The following NBAS variants were observed in gnomAD, a reference collection of about 807,000 sequenced individuals.
NBAS encodes the protein NBAS subunit of NRZ tethering complex, also known as NAG/BC035112 fusion.
Under a neutral mutation model 302.5 loss-of-function variants are expected in NBAS, and 219 were observed. That is an observed-to-expected ratio of 0.72 (90% CI 0.65 to 0.81). NBAS has a LOEUF of 0.81. NBAS is among the 30% of genes least tolerant of loss of function. The probability of loss-of-function intolerance (pLI) is 0.00; values close to 1 mark genes in which losing one functional copy is unlikely to be tolerated. For missense variants in NBAS, 2,932 were observed against 2,841.6 expected (o/e 1.03, Z -0.72); for synonymous variants, 1,118 against 1,021.6 (o/e 1.09, Z -1.80).
intron 25 of NBAS, among the ~76,000 whole-genome samples, chr2:15,405,018 T>C (rs1175589819): frequency 2.0e-5 from 3 of 152,230 alleles, no homozygotes; most frequent in African/African-American, 7.2e-5. Context: ...ATTAAATTAC[T>C]TGCATTTACC....
intron 44 of NBAS, among the ~76,000 whole-genome samples, chr2:15,264,784 A>G (rs6706182): frequency 0.2 from 29,727 of 152,162 alleles, 3,943 homozygotes; most frequent in East Asian, 0.6. Context: ...CAGTCATGTT[A>G]CAACATCTCT....
chr2:15,352,031 A>G lies in NBAS; in HGVS notation c.4140T>C (p.Asn1380=). ...NFQIHHEGGE[N]ISASPLTSKA... ...TACTAGTTAATGGTGAAGCACTGAT[A>G]TTTTCCCCTCCTTCATGATGGATCT... The change falls in exon 35 of 52, where the codon AAT becomes AAC. Residue 1380 remains asparagine (N), a synonymous_variant. Transcript: ENST00000281513. 1 of 1,612,322 alleles carries G rather than the reference A, an allele frequency of 6.2e-7. No individual in the cohort carries two copies. The highest frequency in any genetic ancestry group is 8.5e-7 in the Non-Finnish European group (1 of 1,178,548).
chr2:15,029,021 T>G, the NBAS span, among the ~76,000 whole-genome samples: 1 of 152,178 alleles, frequency 6.6e-6, no homozygotes, highest in African/African-American at 2.4e-5. Flanking sequence ...TTTATTCCCT[T>G]ATTAGTTTGT....
chr2:15,181,148 T>C (rs1387334388), intron 50 of NBAS, among the ~76,000 whole-genome samples: 1 of 152,224 alleles, frequency 6.6e-6, no homozygotes, highest in Non-Finnish European at 1.5e-5. Flanking sequence ...TTGTATATAA[T>C]TCCCTCTCTG....
the NBAS span, among the ~76,000 whole-genome samples, chr2:15,146,050 G>C: frequency 3.0e-4 from 45 of 152,238 alleles, no homozygotes; most frequent in South Asian, 9.3e-3. Context: ...GTAAAACAGA[G>C]AAACATCTTT....
At chr2:15,118,139 G>A in the NBAS span, among the ~76,000 whole-genome samples, 8 of 152,332 alleles carry the variant, frequency 5.3e-5, no homozygotes, top group African/African-American at 1.2e-4. Context: ...TATCTCGACC[G>A]TGTCAGGCGG....
At chr2:14,926,289 A>G in the NBAS span, among the ~76,000 whole-genome samples, 3 of 152,226 alleles carry the variant, frequency 2.0e-5, no homozygotes, top group African/African-American at 7.2e-5. Flanking sequence ...CTCCCCTTCT[A>G]TCACACACTT....
chr2:14,870,335 G>C, the NBAS span, among the ~76,000 whole-genome samples: 2 of 152,180 alleles, frequency 1.3e-5, no homozygotes, highest in East Asian at 3.9e-4. Context: ...CAAGTCTTTG[G>C]CTGAGTGTTG....
the NBAS span, among the ~76,000 whole-genome samples, chr2:14,854,639 AAC>A: frequency 6.6e-6 from 1 of 152,136 alleles, no homozygotes; most frequent in Non-Finnish European, 1.5e-5. Flanking sequence ...GGGCAGGGAA[AAC>A]ACAGAAATTG....
intron 11 of NBAS, among the ~76,000 whole-genome samples, chr2:15,493,881 C>A (rs1237906445): frequency 1.4e-5 from 2 of 142,024 alleles, no homozygotes; most frequent in Non-Finnish European, 3.0e-5. Flanking sequence ...TGCCGGAGTA[C>A]AGTGGTGCAA....
At position 15,461,781 on chromosome 2, in the gene NBAS, C is replaced by G. The variant is rs57920974; in HGVS notation, c.2108G>C (p.Gly703Ala). 1.7e-3 allele frequency: 2,765 copies of G among 1,582,188 alleles called. 60 individuals are homozygous for G. In the African/African-American group the frequency reaches 0.034, roughly 19 times the overall value. ...DRLATYEEIL[G>A]VPHASEQRYD... ...TCTCTGTTCAGATGCATGAGGCACT[C>G]CTAGGATTTCCTGAGGGGAAATTTA... is the stretch of plus-strand genomic sequence containing the variant. Residue 703 changes from glycine (G) to alanine (A), a missense_variant, in exon 20 of 52, where the codon GGA becomes GCA. By Grantham distance (60) the Gly-to-Ala change is moderately conservative (BLOSUM62 0). Coordinates refer to ENST00000281513, the MANE Select transcript of NBAS (RefSeq NM_015909.4).
At chr2:14,835,834 G>T in the NBAS span, among the ~76,000 whole-genome samples, 2 of 151,942 alleles carry the variant, frequency 1.3e-5, no homozygotes, top group African/African-American at 4.8e-5. Flanking sequence ...AACTTGGAAT[G>T]AAATTGCTAG....
chr2:14,921,217 A>T, the NBAS span, among the ~76,000 whole-genome samples: 1 of 152,258 alleles, frequency 6.6e-6, no homozygotes, highest in East Asian at 1.9e-4. Context: ...TGGCCAATAC[A>T]TGGAGCAGTC....
chr2:14,945,050 C>T, the NBAS span, among the ~76,000 whole-genome samples: 3 of 152,212 alleles, frequency 2.0e-5, no homozygotes, highest in African/African-American at 7.2e-5. Flanking sequence ...TACTGTGTAA[C>T]TCAGCCAAAG....
In NBAS at chr2:15,167,245, G is replaced by T. The variant is rs1664068885; in HGVS notation, c.6919C>A (p.Pro2307Thr). Reference protein sequence around the residue: ...AKLLVKCVSTPFYPRIVDHLL... With the variant: ...AKLLVKCVSTTFYPRIVDHLL... ...TGGTCAACAATACGTGGATAGAAGG[G>T]AGTGGAGACACACTTCACCAGCAGC... The change falls in exon 52 of 52, where the codon CCC becomes ACC. Residue 2307 changes from proline to threonine, a missense_variant. Coordinates refer to ENST00000281513, the MANE Select transcript of NBAS (RefSeq NM_015909.4). The T allele has an allele frequency of 6.2e-7, 1 of 1,614,274 alleles. No individual in the cohort carries two copies. The highest frequency in any genetic ancestry group is 8.5e-7 in the Non-Finnish European group (1 of 1,180,042).
the NBAS span, among the ~76,000 whole-genome samples, chr2:14,985,084 A>G: frequency 1.1e-4 from 17 of 152,216 alleles, no homozygotes; most frequent in Non-Finnish European, 1.9e-4. Context: ...CTGGAATACT[A>G]TTGTTCAAAG....
chr2:15,262,458 T>C lies in NBAS; in HGVS notation c.5724+13026A>G, dbSNP rs1222319382. Among the ~76,000 whole-genome samples the C allele has an allele frequency of 2.6e-5, 4 of 152,312 alleles. No homozygotes were observed. In the East Asian group the frequency reaches 7.7e-4, roughly 29 times the overall value. Reference sequence around the variant, plus strand: ...AAAAACACTCTAAAACTAATCTATATGTATACAGCAGTGATTATAGTTCCT... The same window carrying C: ...AAAAACACTCTAAAACTAATCTATACGTATACAGCAGTGATTATAGTTCCT... On this transcript the variant is annotated intron_variant, in intron 44 of 51. Transcript: ENST00000281513.
rs547486598 is a variant in NBAS at position 15,469,867 on chromosome 2, T to C, written c.1726-1334A>G. ...TGGGGGGAGGGGGGAGGGATAGCATTAGGAGATATGCCTAATGTAAATGAC... is the reference window on the plus strand; with the variant it reads ...TGGGGGGAGGGGGGAGGGATAGCATCAGGAGATATGCCTAATGTAAATGAC... On this transcript the variant is annotated intron_variant, in intron 16 of 51. Transcript: ENST00000281513. Among the ~76,000 whole-genome samples the C allele has an allele frequency of 5.1e-3, 762 of 149,348 alleles. 8 individuals are homozygous for C. Among genetic ancestry groups the C allele is most frequent in the African/African-American group, 0.017 (692 of 40,552 alleles).
At chr2:15,012,908 A>T in the NBAS span, among the ~76,000 whole-genome samples, 1 of 151,886 alleles carries the variant, frequency 6.6e-6, no homozygotes, top group African/African-American at 2.4e-5. Context: ...CCCAGCCTGG[A>T]TTACAGTGGT....
Sources: allele counts gnomAD v4.1 joint callset (sites outside exome capture counted in the v4.1 genomes callset), GRCh38; gene constraint gnomAD v4.1.1; transcripts MANE v1.5; gene names NCBI Gene and HGNC (gene_info 2026-07-23, HGNC 2026-07-21).